IRAK2: variants seen among roughly 807,000 people sequenced by gnomAD.
IRAK2 encodes interleukin-1 receptor-associated kinase-like 2.
A neutral mutation model predicts 72.0 loss-of-function variants in IRAK2; 57 were observed. The observed-to-expected ratio is 0.79, with a 90% CI of 0.64 to 0.99. IRAK2 has a LOEUF of 0.99. Ranked by LOEUF, IRAK2 falls within the 50% of genes least tolerant of loss-of-function variation. IRAK2 has a pLI of 0.00. For missense variants in IRAK2, 790 were observed against 794.4 expected, an observed-to-expected ratio of 0.99 and a Z score of 0.07; for synonymous variants, 293 against 312.7, an observed-to-expected ratio of 0.94 and a Z score of 0.67.
intron 1 of IRAK2, among the ~76,000 whole-genome samples, chr3:10,171,360 G>GA (rs1438349272): frequency 6.6e-6 from 1 of 152,142 alleles, no homozygotes; most frequent in Non-Finnish European, 1.5e-5. Context: ...CACCCTCACA[G>GA]TGTTGCTGAG....
At chr3:10,165,931 T>C (rs1168561453) in intron 1 of IRAK2, among the ~76,000 whole-genome samples, 1 of 151,994 alleles carries the variant, frequency 6.6e-6, no homozygotes, top group African/African-American at 2.4e-5. Flanking sequence ...GGTTTCACCG[T>C]GTTAGCCAGG....
chr3:10,237,929 C>CTGTG (rs138639711), intron 11 of IRAK2, among the ~76,000 whole-genome samples: 15,767 of 138,162 alleles, frequency 0.11, 1,015 homozygotes, highest in African/African-American at 0.18. Flanking sequence ...TATGTGTGCT[C>CTGTG]TGTGTGTGTG....
At position 10,238,936 on chromosome 3, in the gene IRAK2, A is replaced by G; in HGVS notation, c.1662A>G (p.Pro554=). 1 of 1,613,936 alleles carries G rather than the reference A, an allele frequency of 6.2e-7. No individual in the cohort carries two copies. Among genetic ancestry groups the G allele is most frequent in the Non-Finnish European group, 8.5e-7 (1 of 1,179,958 alleles). The part of the protein sequence containing the change: ...SVAPWAGAAT[P]LLPTENGEGR... Reference sequence around the variant, plus strand: ...CACCCTGGGCAGGGGCTGCCACCCCACTTCTCCCCACAGAGAATGGGGAAG... The same window carrying G: ...CACCCTGGGCAGGGGCTGCCACCCCGCTTCTCCCCACAGAGAATGGGGAAG... Residue 554 remains proline (P), a synonymous_variant, in exon 12 of 13, where the codon CCA becomes CCG. Coordinates refer to ENST00000256458, the MANE Select transcript of IRAK2 (RefSeq NM_001570.4).
intron 1 of IRAK2, among the ~76,000 whole-genome samples, chr3:10,165,434 T>G (rs7624670): frequency 0.037 from 5,132 of 138,544 alleles, 199 homozygotes; most frequent in African/African-American, 0.11. Flanking sequence ...CTTGGGGGGG[T>G]GTGTGTGTGT....
chr3:10,190,372 G>A (rs1283465884), intron 2 of IRAK2, among the ~76,000 whole-genome samples: 11 of 145,982 alleles, frequency 7.5e-5, no homozygotes, highest in African/African-American at 2.6e-4. Flanking sequence ...CCTCTGCCTC[G>A]TGGACTCAAG....
chr3:10,201,066 A>G (rs1697353120), intron 3 of IRAK2, among the ~76,000 whole-genome samples: 1 of 152,262 alleles, frequency 6.6e-6, no homozygotes, highest in Admixed American at 6.5e-5. Flanking sequence ...CAAAATGTAT[A>G]TAACATCTGT....
At position 10,211,332 on chromosome 3, in the gene IRAK2, C is replaced by T. The variant is rs1428552180; in HGVS notation, c.528+1640C>T. ...AATTTTTGTATTTTTAGTAGAGACA[C>T]GGTTTCACCATATTGCCCAGGCTGG... On this transcript the variant is annotated intron_variant, in intron 4 of 12. Coordinates refer to ENST00000256458, the MANE Select transcript of IRAK2 (RefSeq NM_001570.4). Among the ~76,000 whole-genome samples, 6 of 148,914 alleles carry T rather than the reference C, an allele frequency of 4.0e-5. 1 individual carries two copies.
intron 12 of IRAK2, among the ~76,000 whole-genome samples, chr3:10,241,589 A>AAATAAATAAAT (rs1698061811): frequency 1.4e-5 from 2 of 147,930 alleles, no homozygotes; most frequent in African/African-American, 5.0e-5. Context: ...ATAAATAAAT[A>AAATAAATAAAT]AATGGGCTGG....
chr3:10,179,503 G>C (rs562117857), intron 2 of IRAK2, among the ~76,000 whole-genome samples: 1 of 150,332 alleles, frequency 6.7e-6, no homozygotes, highest in Admixed American at 6.7e-5. Flanking sequence ...GTGAGATCTC[G>C]GCTCATTGCA....
intron 1 of IRAK2, among the ~76,000 whole-genome samples, chr3:10,172,837 CAAAA>C (rs533137515): frequency 2.8e-4 from 15 of 53,956 alleles, no homozygotes; most frequent in African/African-American, 1.3e-3. Context: ...GACTCTGTCT[CAAAA>C]AAAAAAAAAA....
chr3:10,214,214 C>G (rs556100900), intron 6 of IRAK2, among the ~76,000 whole-genome samples: 1 of 152,054 alleles, frequency 6.6e-6, no homozygotes, highest in African/African-American at 2.4e-5. Flanking sequence ...CAGGCGTGAG[C>G]CACCGTGCCT....
chr3:10,197,725 G>A (rs13327011), intron 2 of IRAK2, among the ~76,000 whole-genome samples: 6,496 of 150,218 alleles, frequency 0.043, 469 homozygotes, highest in African/African-American at 0.15. Flanking sequence ...GGTGGTGGGC[G>A]CCTATAGTCC....
At chr3:10,225,760 G>A (rs371241469) in intron 9 of IRAK2, among the ~76,000 whole-genome samples, 10 of 150,626 alleles carry the variant, frequency 6.6e-5, no homozygotes, top group African/African-American at 2.4e-4. Context: ...GTGCAGTGGT[G>A]CGATCTCAGT....
chr3:10,182,173 T>G, intron 2 of IRAK2, among the ~76,000 whole-genome samples: 1 of 151,978 alleles, frequency 6.6e-6, no homozygotes, highest in East Asian at 1.9e-4. Context: ...TTCACCATAT[T>G]GGCCAGGCTG....
At chr3:10,196,820 C>T (rs1407206312) in intron 2 of IRAK2, among the ~76,000 whole-genome samples, 1 of 152,082 alleles carries the variant, frequency 6.6e-6, no homozygotes, top group Non-Finnish European at 1.5e-5. Context: ...CAATACACAA[C>T]GTGGACATTC....
intron 2 of IRAK2, among the ~76,000 whole-genome samples, chr3:10,193,647 CTCTG>C (rs1342823305): frequency 1.3e-5 from 2 of 152,148 alleles, no homozygotes; most frequent in African/African-American, 4.8e-5. Context: ...AAAATCCAGA[CTCTG>C]TCTGAGAACT....
At chr3:10,229,059 G>C (rs1375686646) in intron 10 of IRAK2, among the ~76,000 whole-genome samples, 6 of 151,674 alleles carry the variant, frequency 4.0e-5, no homozygotes, top group Non-Finnish European at 8.8e-5. Flanking sequence ...TCAGCCTCCT[G>C]AGTAGCTGGG....
intron 4 of IRAK2, among the ~76,000 whole-genome samples, chr3:10,211,611 C>T (rs1697523430): frequency 6.6e-6 from 1 of 151,472 alleles, no homozygotes; most frequent in African/African-American, 2.4e-5. Flanking sequence ...AAAGTGAGAC[C>T]CTGTCTCAAA....
chr3:10,237,805 C>CAAA (rs751642671), intron 11 of IRAK2, among the ~76,000 whole-genome samples: 5 of 55,760 alleles, frequency 9.0e-5, no homozygotes, highest in African/African-American at 2.8e-4. Flanking sequence ...GACTCTGTCT[C>CAAA]AAAAAAAAAA....
Sources: gnomAD v4.1 joint callset for allele counts (sites outside exome capture counted in the v4.1 genomes callset) on GRCh38, gnomAD v4.1.1 for gene constraint, MANE v1.5 for transcripts, NCBI Gene and HGNC (gene_info 2026-07-23, HGNC 2026-07-21) for gene names.